IKZF2: variants seen among roughly 807,000 people sequenced by gnomAD.
IKZF2 encodes the protein IKAROS family zinc finger 2.
A neutral mutation model predicts 49.2 loss-of-function variants in IKZF2; 15 were observed. That is an observed-to-expected ratio of 0.30 (90% CI 0.20 to 0.47). The LOEUF (loss-of-function observed/expected upper bound fraction) is 0.47. Ranked by LOEUF, IKZF2 falls within the 20% of genes least tolerant of loss-of-function variation. The probability of loss-of-function intolerance (pLI) is 1.00; values close to 1 mark genes in which losing one functional copy is unlikely to be tolerated. For missense variants in IKZF2, 567 were observed against 664.6 expected (o/e 0.85, Z 1.61); for synonymous variants, 227 against 221.4 (o/e 1.03, Z -0.23).
intron 3 of IKZF2, among the ~76,000 whole-genome samples, chr2:213,148,022 T>C (rs112583548): frequency 1.3e-5 from 2 of 152,066 alleles, no homozygotes; most frequent in African/African-American, 4.8e-5. Context: ...TAAAAAAAAT[T>C]AACAAAACTT....
In IKZF2 at chr2:213,049,924, GC is replaced by G. The variant is rs370190185; in HGVS notation, c.407-45del. Reference sequence around the variant, plus strand: ...ATGGGAAGTATCAACTAGGGTATGTGCAAGTGACTAATTTGCCATCCACTGT... The same window carrying G: ...ATGGGAAGTATCAACTAGGGTATGTGAAGTGACTAATTTGCCATCCACTGT... On this transcript the variant is annotated intron_variant, in intron 5 of 8. Coordinates refer to ENST00000434687, the MANE Select transcript of IKZF2 (RefSeq NM_001387220.1). 1.4e-4 allele frequency: 185 copies of G among 1,364,656 alleles called. No individual in the cohort carries two copies. In the African/African-American group the frequency reaches 2.1e-3, roughly 15 times the overall value. The allele number at this position is 1,364,656 out of a possible 1,614,324, so 84.5% of individuals were successfully genotyped here.
chr2:213,013,811 G>T lies in IKZF2; in HGVS notation c.836C>A (p.Ser279Tyr). 1 of 1,610,678 alleles carries T rather than the reference G, an allele frequency of 6.2e-7. No individual in the cohort carries two copies. The change falls in exon 8 of 9, where the codon TCC (serine) becomes TAC (tyrosine). Residue 279 changes from serine (S) to tyrosine (Y), a missense_variant. By Grantham distance (144) the Ser-to-Tyr change is moderately radical (BLOSUM62 -2). Transcript: ENST00000434687. ...LTGNMGKRKS[S>Y]TPQKFVGEKL... ...CTTACCCACAAACTTTTGTGGAGTG[G>T]AGCTTTTACGTTTTCCCATATTCCC...
chr2:213,108,765 G>A (rs2059611622), intron 4 of IKZF2, among the ~76,000 whole-genome samples: 1 of 151,756 alleles, frequency 6.6e-6, no homozygotes. Flanking sequence ...ACAACATATT[G>A]CTTTTTTTGC....
chr2:213,104,295 A>G (rs1039827296), intron 4 of IKZF2, among the ~76,000 whole-genome samples: 7 of 151,912 alleles, frequency 4.6e-5, no homozygotes, highest in African/African-American at 1.7e-4. Flanking sequence ...AAAAGTTACA[A>G]CTCAAATTCT....
At position 213,128,804 on chromosome 2, in the gene IKZF2, CT is replaced by C. The variant is rs1184422126; in HGVS notation, c.139+18903del. 1.9e-3 allele frequency among the ~76,000 whole-genome samples: 214 copies of C among 113,200 alleles called. 1 individual carries two copies. Among genetic ancestry groups the C allele is most frequent in the African/African-American group, 5.9e-3 (180 of 30,556 alleles). 74.3% of individuals were successfully genotyped at this position (113,200 alleles called of 152,430 possible). ...CACCACACCACACTAATTTTTTTTTCTTTTTTTTTTTTTTTTTTTGTATTTT... is the reference window on the plus strand; with the variant it reads ...CACCACACCACACTAATTTTTTTTTCTTTTTTTTTTTTTTTTTTGTATTTT... On this transcript the variant is annotated intron_variant, in intron 4 of 8. Transcript: ENST00000434687.
At chr2:213,146,257 C>A (rs1459215709) in intron 4 of IKZF2, among the ~76,000 whole-genome samples, 1 of 151,956 alleles carries the variant, frequency 6.6e-6, no homozygotes, top group Non-Finnish European at 1.5e-5. Flanking sequence ...TGTAAAAATT[C>A]TATTGCCTAA....
At chr2:213,145,829 A>G (rs868039248) in intron 4 of IKZF2, among the ~76,000 whole-genome samples, 11 of 145,890 alleles carry the variant, frequency 7.5e-5, no homozygotes, top group Middle Eastern at 3.3e-3. Context: ...TGGAATTGCC[A>G]CAGGCTAGTA....
intron 4 of IKZF2, among the ~76,000 whole-genome samples, chr2:213,110,268 T>A (rs2059658846): frequency 6.6e-6 from 1 of 151,990 alleles, no homozygotes; most frequent in Non-Finnish European, 1.5e-5. Context: ...GTATATCTAG[T>A]GAAGAGTCTT....
intron 4 of IKZF2, among the ~76,000 whole-genome samples, chr2:213,077,982 C>G (rs1703468515): frequency 6.6e-6 from 1 of 152,016 alleles, no homozygotes; most frequent in Non-Finnish European, 1.5e-5. Flanking sequence ...TTTGTTTAAT[C>G]TATAACACAA....
At chr2:213,086,121 T>C (rs1052911524) in intron 4 of IKZF2, among the ~76,000 whole-genome samples, 2 of 152,150 alleles carry the variant, frequency 1.3e-5, no homozygotes, top group Admixed American at 1.3e-4. Flanking sequence ...CATAAATTAC[T>C]TGGACTTGGA....
intron 4 of IKZF2, among the ~76,000 whole-genome samples, chr2:213,115,087 G>C (rs1474739649): frequency 3.3e-5 from 5 of 152,152 alleles, no homozygotes; most frequent in African/African-American, 1.2e-4. Context: ...TGGCAGCTGT[G>C]AAAAAGCTGG....
chr2:213,080,634 T>C (rs1703843255), intron 4 of IKZF2, among the ~76,000 whole-genome samples: 1 of 152,190 alleles, frequency 6.6e-6, no homozygotes, highest in Non-Finnish European at 1.5e-5. Flanking sequence ...AAAAGACTTT[T>C]AAATATTTTC....
chr2:213,148,953 G>A (rs2061174666), intron 2 of IKZF2, among the ~76,000 whole-genome samples: 1 of 152,212 alleles, frequency 6.6e-6, no homozygotes, highest in Non-Finnish European at 1.5e-5. Context: ...TAGCTCAAAT[G>A]TGTCAGCTTT....
intron 6 of IKZF2, among the ~76,000 whole-genome samples, chr2:213,037,243 A>G (rs920932394): frequency 1.3e-5 from 2 of 152,212 alleles, no homozygotes; most frequent in African/African-American, 2.4e-5. Flanking sequence ...ATAATAAAGG[A>G]GGAAGGAAAG....
chr2:213,133,736 T>TA (rs1332154604), intron 4 of IKZF2, among the ~76,000 whole-genome samples: 23 of 110,492 alleles, frequency 2.1e-4, no homozygotes, highest in South Asian at 5.7e-4. Context: ...ATAAATAAAA[T>TA]AAATATTCAC....
At chr2:213,081,652 A>G (rs968050301) in intron 4 of IKZF2, among the ~76,000 whole-genome samples, 67 of 152,290 alleles carry the variant, frequency 4.4e-4, no homozygotes, top group African/African-American at 1.6e-3. Flanking sequence ...ATATCCCAGA[A>G]GGGGGAATAA....
intron 4 of IKZF2, among the ~76,000 whole-genome samples, chr2:213,090,277 G>A (rs1705153927): frequency 6.6e-6 from 1 of 152,198 alleles, no homozygotes; most frequent in Admixed American, 6.5e-5. Flanking sequence ...GCCAGTAGTA[G>A]AGAGTCAGAA....
At position 213,002,562 on chromosome 2, in the gene IKZF2, A is replaced by T. The variant is rs904379315; in HGVS notation, c.*4798T>A. On this transcript the variant is annotated 3_prime_UTR_variant, in exon 9 of 9. Coordinates refer to ENST00000434687, the MANE Select transcript of IKZF2 (RefSeq NM_001387220.1). ...ATTTGCTTTGTATAACCAGCAGCTC[A>T]TTTTTTTAAAAAGCTGTCATATCCT... 4.0e-5 allele frequency: 6 copies of T among 151,794 alleles called. No individual in the cohort carries two copies. Among genetic ancestry groups the T allele is most frequent in the Non-Finnish European group, 7.4e-5 (5 of 67,570 alleles). The allele number at this position is 151,794 out of a possible 1,614,324, so 9.4% of individuals were successfully genotyped here.
In IKZF2 at chr2:213,010,799, G is replaced by A. The variant is rs112893324; in HGVS notation, c.857-2715C>T. Among the ~76,000 whole-genome samples, 21 of 152,180 alleles carry A rather than the reference G, an allele frequency of 1.4e-4. 1 individual carries two copies. Among genetic ancestry groups the A allele is most frequent in the African/African-American group, 4.8e-4 (20 of 41,532 alleles). On this transcript the variant is annotated intron_variant, in intron 8 of 8. Coordinates refer to ENST00000434687, the MANE Select transcript of IKZF2 (RefSeq NM_001387220.1). ...TGTAGTGTAGAGCTACAGGAAATCTGAGAATTGCATATTTATTTGAACTTA... is the reference window on the plus strand; with the variant it reads ...TGTAGTGTAGAGCTACAGGAAATCTAAGAATTGCATATTTATTTGAACTTA...
Sources: gnomAD v4.1 joint callset for allele counts (sites outside exome capture counted in the v4.1 genomes callset) on GRCh38, gnomAD v4.1.1 for gene constraint, MANE v1.5 for transcripts, NCBI Gene and HGNC (gene_info 2026-07-23, HGNC 2026-07-21) for gene names.